PSD3: variants seen among roughly 807,000 people sequenced by gnomAD.
PSD3 encodes PH and SEC7 domain-containing protein 3.
In PSD3, 49 loss-of-function variants were observed where a neutral mutation model predicts 105.5. The ratio of observed to expected loss-of-function variants is 0.46; its 90% confidence interval spans 0.37 to 0.59. The LOEUF is 0.59. Ranked by LOEUF, PSD3 falls within the 20% of genes least tolerant of loss-of-function variation. The pLI, the probability that PSD3 is intolerant of heterozygous loss-of-function variation, is 0.00. For synonymous variants in PSD3, 557 were observed against 457.8 expected, an observed-to-expected ratio of 1.22 and a Z score of -2.77; for missense variants, 1,561 against 1,263.8, an observed-to-expected ratio of 1.24 and a Z score of -3.57.
intron 1 of PSD3, among the ~76,000 whole-genome samples, chr8:19,072,339 G>T (rs371964609): frequency 6.6e-6 from 1 of 152,082 alleles, no homozygotes; most frequent in African/African-American, 2.4e-5. Flanking sequence ...CGCCCACCTC[G>T]GCCTCCCAAA....
intron 1 of PSD3, among the ~76,000 whole-genome samples, chr8:19,070,592 C>T (rs1289925230): frequency 6.6e-6 from 1 of 152,050 alleles, no homozygotes; most frequent in Non-Finnish European, 1.5e-5. Context: ...GCAGGAGAAT[C>T]GCTTAAATCT....
chr8:18,604,557 T>A (rs1478334663), intron 11 of PSD3, among the ~76,000 whole-genome samples: 1 of 151,394 alleles, frequency 6.6e-6, no homozygotes, highest in Non-Finnish European at 1.5e-5. Flanking sequence ...AAAAAAGGCC[T>A]ATTTTCAGAA....
intron 1 of PSD3, among the ~76,000 whole-genome samples, chr8:19,055,723 C>G (rs1268713952): frequency 6.6e-6 from 1 of 152,222 alleles, no homozygotes; most frequent in Non-Finnish European, 1.5e-5. Flanking sequence ...ACAATTAAGA[C>G]AAGTGCACTG....
intron 14 of PSD3, among the ~76,000 whole-genome samples, chr8:18,570,902 C>G (rs1414998203): frequency 1.3e-5 from 2 of 149,198 alleles, no homozygotes; most frequent in Non-Finnish European, 3.0e-5. Flanking sequence ...CTCTGTCGCC[C>G]AGGCTGGAAT....
At chr8:18,662,541 G>T (rs1809426306) in intron 9 of PSD3, among the ~76,000 whole-genome samples, 1 of 152,206 alleles carries the variant, frequency 6.6e-6, no homozygotes, top group Non-Finnish European at 1.5e-5. Context: ...TATGAGCAAA[G>T]AATTTGAAAC....
chr8:18,857,027 T>C (rs1237591970), intron 4 of PSD3, among the ~76,000 whole-genome samples: 1 of 152,160 alleles, frequency 6.6e-6, no homozygotes, highest in African/African-American at 2.4e-5. Flanking sequence ...AGCAGGAAAA[T>C]CAATCAATCC....
chr8:18,580,458 A>T (rs760389930), intron 12 of PSD3, among the ~76,000 whole-genome samples: 18 of 151,828 alleles, frequency 1.2e-4, no homozygotes, highest in Non-Finnish European at 1.9e-4. Context: ...CTTTTACAAA[A>T]CCTATTGGTT....
Position 18,594,605 on chromosome 8 carries a change from T to G in PSD3, c.2481+5759A>C, listed in dbSNP as rs112116577. Among the ~76,000 whole-genome samples, 181 of 150,704 alleles carry G rather than the reference T, an allele frequency of 1.2e-3. 1 individual carries two copies. The highest frequency in any genetic ancestry group is 4.2e-3 in the African/African-American group (174 of 40,962). ...AATGCTAAACAGAAACAAGAAAGTA[T>G]AAAGCTCAATAGCAAAAGTAAACAG... On this transcript the variant is annotated intron_variant, in intron 12 of 15. Coordinates refer to ENST00000327040, the MANE Select transcript of PSD3 (RefSeq NM_015310.4).
chr8:18,820,329 CA>C (rs1812589732), intron 4 of PSD3, among the ~76,000 whole-genome samples: 2 of 152,030 alleles, frequency 1.3e-5, no homozygotes, highest in East Asian at 3.9e-4. Flanking sequence ...ATCTCCCAAT[CA>C]ATAGTATCTT....
rs1234096035 is a variant in PSD3 at position 18,880,093 on chromosome 8, A to G, written c.131-7360T>C. Among the ~76,000 whole-genome samples the G allele has an allele frequency of 3.3e-5, 5 of 152,286 alleles. No individual in the cohort carries two copies. The East Asian group carries it at 9.7e-4, about 29-fold the overall frequency. ...TGAGCAGTTTATTTTTGCTGTTTGC[A>G]TTGGTTATCACAACTTGACTGTGTT... On this transcript the variant is annotated intron_variant, in intron 2 of 15. Coordinates refer to ENST00000327040, the MANE Select transcript of PSD3 (RefSeq NM_015310.4).
At chr8:18,904,717 G>A (rs957279608) in intron 2 of PSD3, among the ~76,000 whole-genome samples, 5 of 152,128 alleles carry the variant, frequency 3.3e-5, no homozygotes, top group African/African-American at 4.8e-5. Context: ...TTTCTGTAAA[G>A]GACCAGACAG....
At chr8:18,828,067 A>ATATATATATT (rs371473289) in intron 4 of PSD3, among the ~76,000 whole-genome samples, 256 of 118,866 alleles carry the variant, frequency 2.2e-3, no homozygotes, top group African/African-American at 8.2e-3. Context: ...ATATATATAT[A>ATATATATATT]TTTTTTTTTT....
chr8:18,882,374 T>G (rs1818163816), intron 2 of PSD3, among the ~76,000 whole-genome samples: 1 of 152,184 alleles, frequency 6.6e-6, no homozygotes, highest in African/African-American at 2.4e-5. Context: ...TTCCTGATAT[T>G]AGAGCCAGTT....
chr8:19,022,864 C>CT (rs5889843), intron 1 of PSD3, among the ~76,000 whole-genome samples: 125,267 of 143,762 alleles, frequency 0.87, 56,063 homozygotes, highest in East Asian at 0.99. Context: ...TCTCAGGACC[C>CT]TTTTTTTTTT....
chr8:18,981,884 C>G (rs554727751), intron 1 of PSD3, among the ~76,000 whole-genome samples: 3 of 152,280 alleles, frequency 2.0e-5, no homozygotes, highest in Admixed American at 1.3e-4. Context: ...GCTGACTGAT[C>G]AGGGTGGTAG....
chr8:18,884,367 CAA>C (rs1435087150), intron 2 of PSD3, among the ~76,000 whole-genome samples: 1 of 152,004 alleles, frequency 6.6e-6, no homozygotes, highest in East Asian at 1.9e-4. Flanking sequence ...TAAAATAAAA[CAA>C]GAGGATAATC....
At chr8:18,916,761 G>A (rs1004220698) in intron 2 of PSD3, among the ~76,000 whole-genome samples, 5 of 151,786 alleles carry the variant, frequency 3.3e-5, no homozygotes, top group African/African-American at 4.8e-5. Context: ...AGTATGTAAG[G>A]TAAAGAATAT....
intron 2 of PSD3, 74 bp from the exon 3 acceptor site, chr8:18,872,807 C>T: frequency 7.3e-7 from 1 of 1,377,180 alleles, no homozygotes; most frequent in Non-Finnish European, 9.9e-7. Context: ...TGCATATTCA[C>T]ACAGATTAGG....
chr8:18,928,883 T>C (rs1821558935), intron 2 of PSD3, among the ~76,000 whole-genome samples: 1 of 152,120 alleles, frequency 6.6e-6, no homozygotes, highest in Non-Finnish European at 1.5e-5. Flanking sequence ...GGTCTCACTA[T>C]GTTGCCCAGA....
Sources: gnomAD v4.1 joint callset for allele counts (sites outside exome capture counted in the v4.1 genomes callset) on GRCh38, gnomAD v4.1.1 for gene constraint, MANE v1.5 for transcripts, NCBI Gene and HGNC (gene_info 2026-07-23, HGNC 2026-07-21) for gene names.